TUFT1: variants seen among roughly 807,000 people sequenced by gnomAD.
The protein encoded by TUFT1 is tuftelin.
In TUFT1, 43 loss-of-function variants were observed where a neutral mutation model predicts 57.8. The observed-to-expected ratio is 0.74, with a 90% confidence interval of 0.58 to 0.96. TUFT1 has a LOEUF of 0.96. Among genes scored for constraint, TUFT1 ranks in the 40% least tolerant of loss-of-function variants. TUFT1 has a pLI of 0.00. For missense variants in TUFT1, 459 were observed against 489.0 expected (o/e 0.94, Z 0.58); for synonymous variants, 166 against 176.7 (o/e 0.94, Z 0.48).
At chr1:151,550,559 G>C (rs1355697267) in intron 1 of TUFT1, among the ~76,000 whole-genome samples, 1 of 151,902 alleles carries the variant, frequency 6.6e-6, no homozygotes, top group Non-Finnish European at 1.5e-5. Context: ...TGACCAGGTT[G>C]GTCTCAAACT....
At position 151,581,889 on chromosome 1, in the gene TUFT1, C is replaced by T. The variant is rs1441315030; in HGVS notation, c.*182C>T. On this transcript the variant is annotated 3_prime_UTR_variant, in exon 13 of 13. Coordinates refer to ENST00000368849, the MANE Select transcript of TUFT1 (RefSeq NM_020127.3). The stretch of plus-strand genomic sequence containing the variant: ...CACTCTAAGCTGGGCAGACGGAGCA[C>T]GAGCACCTATTCAAGGCACTGCAGC... 8 of 652,354 alleles carry T rather than the reference C, an allele frequency of 1.2e-5. No individual in the cohort carries two copies. Among genetic ancestry groups the T allele is most frequent in the South Asian group, 3.6e-5 (2 of 55,768 alleles). The allele number at this position is 652,354 out of a possible 1,614,324, so 40.4% of individuals were successfully genotyped here.
In TUFT1 at chr1:151,566,158, A is replaced by G; in HGVS notation, c.415-5A>G. Reference sequence around the variant, plus strand: ...TAACTACCAATTTTATTTTTCTTTGAACAGGTGGTGCTAGAAAAGCCAAAT... The same window carrying G: ...TAACTACCAATTTTATTTTTCTTTGGACAGGTGGTGCTAGAAAAGCCAAAT... On this transcript the variant is annotated splice_region_variant and splice_polypyrimidine_tract_variant and intron_variant, in intron 5 of 12. Transcript: ENST00000368849. The G allele has an allele frequency of 6.2e-7, 1 of 1,606,158 alleles. No individual in the cohort carries two copies.
intron 11 of TUFT1, among the ~76,000 whole-genome samples, chr1:151,580,003 C>G (rs6587604): frequency 6.6e-6 from 1 of 152,184 alleles, no homozygotes; most frequent in Non-Finnish European, 1.5e-5. Flanking sequence ...TGGCTGCACA[C>G]GGCTAATTCT....
chr1:151,561,786 G>A, intron 1 of TUFT1: 1 of 1,378,752 alleles, frequency 7.3e-7, no homozygotes, highest in Non-Finnish European at 9.5e-7. Flanking sequence ...AAAGAAGAAT[G>A]CATGCAATGT....
chr1:151,569,684 G>T lies in TUFT1; in HGVS notation c.508G>T (p.Glu170Ter). The change falls in exon 7 of 13, where the codon GAG (glutamate) becomes TAG (stop). Residue 170 changes from glutamate to a stop codon, truncating the protein, a stop_gained. Transcript: ENST00000368849. LOFTEE classifies it high-confidence loss of function. ...EVDTCINEDV[E>*]SLRKTVQDLL... ...GGACACCTGTATAAATGAGGATGTT[G>T]AGAGCTTGAGGAAGACGGTGCAGGA... 1 of 1,613,954 alleles carries T rather than the reference G, an allele frequency of 6.2e-7. No homozygotes were observed. Among genetic ancestry groups the T allele is most frequent in the South Asian group, 1.1e-5 (1 of 91,042 alleles).
intron 1 of TUFT1, among the ~76,000 whole-genome samples, chr1:151,543,171 GC>G (rs1665221160): frequency 6.6e-6 from 1 of 152,140 alleles, no homozygotes; most frequent in African/African-American, 2.4e-5. Flanking sequence ...GGTACAAGGA[GC>G]CAGTGTTTTT....
intron 9 of TUFT1, among the ~76,000 whole-genome samples, chr1:151,575,861 T>C (rs954392071): frequency 6.6e-6 from 1 of 152,224 alleles, no homozygotes; most frequent in Non-Finnish European, 1.5e-5. Flanking sequence ...GCATTTTCTC[T>C]CCTTTAGGAT....
chr1:151,560,974 G>C (rs1184002234), intron 1 of TUFT1, among the ~76,000 whole-genome samples: 3 of 150,752 alleles, frequency 2.0e-5, no homozygotes, highest in African/African-American at 7.3e-5. Context: ...GTGTGTGTGT[G>C]TGTGTGTGTG....
rs1666686192 is a variant in TUFT1, at chr1:151,582,903, G to A, written c.*1196G>A. 1.3e-5 allele frequency: 2 copies of A among 151,678 alleles called. No homozygotes were observed. The highest frequency in any genetic ancestry group is 6.6e-5 in the Admixed American group (1 of 15,212). The allele number at this position is 151,678 out of a possible 1,614,324, so 9.4% of individuals were successfully genotyped here. A position where few individuals can be genotyped will look rare whatever the true frequency, so the allele number is the denominator to read the frequency against. ...TTGGTCTTTTATCCTGGCTCTGAAT[G>A]ACCCTGCAGGTCATCATGGTTTTCT... On this transcript the variant is annotated 3_prime_UTR_variant, in exon 13 of 13. Coordinates refer to ENST00000368849, the MANE Select transcript of TUFT1 (RefSeq NM_020127.3).
In TUFT1 at chr1:151,543,801, C is replaced by G. The variant is rs192630602; in HGVS notation, c.60+3375C>G. Among the ~76,000 whole-genome samples, 7 of 151,844 alleles carry G rather than the reference C, an allele frequency of 4.6e-5. No homozygotes were observed. In the South Asian group the frequency reaches 1.0e-3, roughly 23 times the overall value. ...GGACAGGGTTCCTTGACTGATAGGC[C>G]CCCCCCAGATTACAGTGATGGAAGG... is the stretch of plus-strand genomic sequence containing the variant. On this transcript the variant is annotated intron_variant, in intron 1 of 12. Transcript: ENST00000368849.
intron 6 of TUFT1, 110 bp downstream of exon 6, chr1:151,566,338 A>G (rs1666079241): frequency 1.2e-6 from 1 of 841,318 alleles, no homozygotes; most frequent in Non-Finnish European, 1.9e-6. Context: ...CATTAAATAC[A>G]AGAGTAGTAG....
intron 9 of TUFT1, among the ~76,000 whole-genome samples, chr1:151,576,012 G>C (rs549763442): frequency 6.6e-6 from 1 of 152,322 alleles, no homozygotes; most frequent in African/African-American, 2.4e-5. Flanking sequence ...GGCAGAGCAA[G>C]AGAGACCAAA....
chr1:151,580,192 G>A (rs1427835883), intron 11 of TUFT1, among the ~76,000 whole-genome samples: 1 of 152,194 alleles, frequency 6.6e-6, no homozygotes, highest in Non-Finnish European at 1.5e-5. Context: ...ATCACTTTGC[G>A]AACGCTCTGT....
chr1:151,558,996 G>A (rs1665799617), intron 1 of TUFT1, among the ~76,000 whole-genome samples: 2 of 151,984 alleles, frequency 1.3e-5, no homozygotes, highest in African/African-American at 4.8e-5. Context: ...TGTTGGCCAG[G>A]CTGGTCTCAA....
chr1:151,540,448 G>A (rs1283190122), intron 1 of TUFT1, 22 bp downstream of exon 1: 1 of 1,614,044 alleles, frequency 6.2e-7, no homozygotes, highest in Admixed American at 1.7e-5. Flanking sequence ...CGCTCTCGCT[G>A]TCTTCTCCGT....
intron 9 of TUFT1, among the ~76,000 whole-genome samples, chr1:151,578,316 C>CT (rs71090191): frequency 0.57 from 86,681 of 150,852 alleles, 27,075 homozygotes; most frequent in Non-Finnish European, 0.72. Flanking sequence ...ATGTAATATT[C>CT]TTTTTTTTTG....
rs188582101 is a variant in TUFT1 at position 151,577,754 on chromosome 1, G to A, written c.819-967G>A. Reference sequence around the variant, plus strand: ...AATCCCAGCTCCAACTGGGCATGGCGGCTCACACCTGTAATCCTAGCACTT... The same window carrying A: ...AATCCCAGCTCCAACTGGGCATGGCAGCTCACACCTGTAATCCTAGCACTT... On this transcript the variant is annotated intron_variant, in intron 9 of 12. Coordinates refer to ENST00000368849, the MANE Select transcript of TUFT1 (RefSeq NM_020127.3). 5.9e-4 allele frequency among the ~76,000 whole-genome samples: 90 copies of A among 152,266 alleles called. 1 individual carries two copies. The highest frequency in any genetic ancestry group is 5.6e-3 in the Admixed American group (85 of 15,296).
chr1:151,560,719 C>A (rs1019038648), intron 1 of TUFT1, among the ~76,000 whole-genome samples: 3 of 152,168 alleles, frequency 2.0e-5, no homozygotes, highest in African/African-American at 7.2e-5. Context: ...CTCACGCTGT[C>A]ACAGAATGGA....
At chr1:151,562,267 G>C (rs751343584) in intron 2 of TUFT1, 102 bp downstream of exon 2, 7 of 1,021,250 alleles carry the variant, frequency 6.9e-6, no homozygotes, top group South Asian at 5.8e-5. Context: ...CTGGTGATGC[G>C]AGCGTGGGAG....
Sources: allele counts gnomAD v4.1 joint callset (sites outside exome capture counted in the v4.1 genomes callset), GRCh38; gene constraint gnomAD v4.1.1; transcripts MANE v1.5; gene names NCBI Gene and HGNC (gene_info 2026-07-23, HGNC 2026-07-21).